The following AKAP6 variants were observed in gnomAD, a reference collection of about 807,000 sequenced individuals.
AKAP6 encodes A-kinase anchor protein 6.
AKAP6 carries 58 observed loss-of-function variants against 188.5 expected under a neutral mutation model. The ratio of observed to expected loss-of-function variants is 0.31; its 90% CI spans 0.25 to 0.38. The LOEUF is 0.38. Among genes scored for constraint, AKAP6 ranks in the 10% least tolerant of loss-of-function variants. The pLI is 1.00. For missense variants in AKAP6, 2,710 were observed against 2,740.0 expected, an observed-to-expected ratio of 0.99 and a Z score of 0.24; for synonymous variants, 989 against 998.6, an observed-to-expected ratio of 0.99 and a Z score of 0.18.
intron 2 of AKAP6, among the ~76,000 whole-genome samples, chr14:32,515,170 G>C (rs1276162769): frequency 6.6e-6 from 1 of 152,136 alleles, no homozygotes; most frequent in Non-Finnish European, 1.5e-5. Context: ...AGTCTTGCAT[G>C]GCGGCAGGCA....
At chr14:32,637,706 A>G (rs777703756) in intron 7 of AKAP6, among the ~76,000 whole-genome samples, 13 of 152,106 alleles carry the variant, frequency 8.5e-5, no homozygotes, top group Non-Finnish European at 1.8e-4. Context: ...GAATAAGTGC[A>G]TTAACAATGA....
intron 7 of AKAP6, among the ~76,000 whole-genome samples, chr14:32,621,958 C>A (rs1886831611): frequency 6.6e-6 from 1 of 151,964 alleles, no homozygotes; most frequent in Admixed American, 6.6e-5. Context: ...TATTGAGCTC[C>A]CAGAGGGGAC....
chr14:32,786,595 A>G, intron 12 of AKAP6, among the ~76,000 whole-genome samples: 1 of 151,948 alleles, frequency 6.6e-6, no homozygotes, highest in South Asian at 2.1e-4. Flanking sequence ...AAGTGCTGGG[A>G]TTACAGGCAT....
intron 11 of AKAP6, among the ~76,000 whole-genome samples, chr14:32,744,520 A>C (rs970061525): frequency 6.6e-6 from 1 of 151,894 alleles, no homozygotes; most frequent in East Asian, 1.9e-4. Flanking sequence ...GTTTCACTGC[A>C]CTAGCCAGGA....
At chr14:32,495,296 T>C (rs1288353782) in intron 2 of AKAP6, 1 of 152,210 alleles carries the variant, frequency 6.6e-6, no homozygotes, top group Non-Finnish European at 1.5e-5. Flanking sequence ...AACCTGTTGG[T>C]TGGTGGTGGA....
intron 7 of AKAP6, among the ~76,000 whole-genome samples, chr14:32,616,658 G>A (rs79305252): frequency 0.014 from 2,175 of 152,184 alleles, 55 homozygotes; most frequent in African/African-American, 0.049. Context: ...ACAAGGTTTA[G>A]CATCTGGATG....
In AKAP6 at chr14:32,588,849, A is replaced by G. The variant is rs554759461; in HGVS notation, c.2470-10561A>G. Among the ~76,000 whole-genome samples, 22 of 152,330 alleles carry G rather than the reference A, an allele frequency of 1.4e-4. No individual in the cohort carries two copies. In the South Asian group the frequency reaches 4.6e-3, roughly 32 times the overall value. On this transcript the variant is annotated intron_variant, in intron 5 of 13. Coordinates refer to ENST00000280979, the MANE Select transcript of AKAP6 (RefSeq NM_004274.5). ...GTATTTCTTTAGATCTTCATGTTATATCATATTTCTGATTAAACAGCTTTC... is the reference window on the plus strand; with the variant it reads ...GTATTTCTTTAGATCTTCATGTTATGTCATATTTCTGATTAAACAGCTTTC...
intron 2 of AKAP6, among the ~76,000 whole-genome samples, chr14:32,509,054 C>G (rs1482681036): frequency 6.7e-6 from 1 of 150,058 alleles, no homozygotes; most frequent in African/African-American, 2.4e-5. Context: ...GATCTCTTGA[C>G]CTTGTGATCC....
At chr14:32,816,192 T>C (rs1052193037) in intron 12 of AKAP6, among the ~76,000 whole-genome samples, 1 of 151,914 alleles carries the variant, frequency 6.6e-6, no homozygotes, top group Non-Finnish European at 1.5e-5. Context: ...TCTTATATGG[T>C]TTGTTTGTTT....
At chr14:32,476,470 T>A (rs961054530) in intron 2 of AKAP6, among the ~76,000 whole-genome samples, 2 of 152,202 alleles carry the variant, frequency 1.3e-5, no homozygotes, top group African/African-American at 4.8e-5. Context: ...AGTTGAACTT[T>A]CCTTGTGTGC....
intron 1 of AKAP6, among the ~76,000 whole-genome samples, chr14:32,351,751 A>G (rs1017267116): frequency 1.3e-5 from 2 of 152,110 alleles, no homozygotes; most frequent in Non-Finnish European, 2.9e-5. Flanking sequence ...AATTGAATAT[A>G]TATGTGTGTG....
intron 7 of AKAP6, among the ~76,000 whole-genome samples, chr14:32,664,584 G>T (rs1244882278): frequency 6.6e-6 from 1 of 152,066 alleles, no homozygotes; most frequent in African/African-American, 2.4e-5. Flanking sequence ...GGTTCTATGG[G>T]TATATTTGTG....
chr14:32,816,326 A>G (rs1009458023), intron 12 of AKAP6, among the ~76,000 whole-genome samples: 1 of 152,054 alleles, frequency 6.6e-6, no homozygotes, highest in Non-Finnish European at 1.5e-5. Context: ...CAGAGTAGCT[A>G]GGACAACAGG....
In AKAP6 at chr14:32,730,099, A is replaced by G. The variant is rs553882185; in HGVS notation, c.3001-2355A>G. On this transcript the variant is annotated intron_variant, in intron 9 of 13. Transcript: ENST00000280979. ...AAGCTCCTGACATTATTACACATAC[A>G]GCTTGAGCCCCTAAACATATTAGAT... Among the ~76,000 whole-genome samples the G allele has an allele frequency of 3.9e-5, 6 of 152,328 alleles. No individual in the cohort carries two copies. The East Asian group carries it at 1.2e-3, about 29-fold the overall frequency.
chr14:32,824,536 C>T lies in AKAP6; in HGVS notation c.6723C>T (p.Asn2241=). Residue 2241 remains asparagine, a synonymous_variant, in exon 13 of 14, where the codon AAC becomes AAT. Coordinates refer to ENST00000280979, the MANE Select transcript of AKAP6 (RefSeq NM_004274.5). The stretch of plus-strand genomic sequence containing the variant: ...AAACTTCCAGTGGCTGTGCAGAAAA[C>T]TTAGAGTTTACTCCTTCAAAGCTTG... The part of the protein sequence containing the change: ...LPQTSSGCAE[N]LEFTPSKLDS... 1 of 1,613,918 alleles carries T rather than the reference C, an allele frequency of 6.2e-7. No individual in the cohort carries two copies. Among genetic ancestry groups the T allele is most frequent in the Middle Eastern group, 1.7e-4 (1 of 6,056 alleles).
intron 9 of AKAP6, among the ~76,000 whole-genome samples, chr14:32,726,763 G>T (rs938412475): frequency 1.3e-5 from 2 of 152,196 alleles, no homozygotes; most frequent in African/African-American, 4.8e-5. Flanking sequence ...TACCATTTAG[G>T]TTACATTGTT....
chr14:32,489,313 A>T (rs1426145389), intron 2 of AKAP6, among the ~76,000 whole-genome samples: 1 of 152,254 alleles, frequency 6.6e-6, no homozygotes, highest in East Asian at 1.9e-4. Context: ...GGCTCAAGCG[A>T]TCTTCCTGCC....
intron 1 of AKAP6, among the ~76,000 whole-genome samples, chr14:32,366,305 A>T (rs926407867): frequency 2.6e-5 from 4 of 152,204 alleles, no homozygotes; most frequent in Admixed American, 2.0e-4. Context: ...TTCACTTAGA[A>T]CACTACATTT....
intron 1 of AKAP6, among the ~76,000 whole-genome samples, chr14:32,389,736 C>T (rs919524623): frequency 2.0e-5 from 3 of 152,024 alleles, no homozygotes; most frequent in East Asian, 1.9e-4. Context: ...ATAGGTTTTC[C>T]GTTATAGGTT....
Sources: gnomAD v4.1 joint callset for allele counts (sites outside exome capture counted in the v4.1 genomes callset) on GRCh38, gnomAD v4.1.1 for gene constraint, MANE v1.5 for transcripts, NCBI Gene and HGNC (gene_info 2026-07-23, HGNC 2026-07-21) for gene names.